The following EYS variants were observed in gnomAD, a reference collection of about 807,000 sequenced individuals.
EYS encodes the protein EGF-like photoreceptor maintenance factor.
EYS carries 250 observed loss-of-function variants against 282.1 expected under a neutral mutation model. The ratio of observed to expected loss-of-function variants is 0.89; its 90% CI spans 0.80 to 0.98. The LOEUF is 0.98. Among genes scored for constraint, EYS ranks in the 50% least tolerant of loss-of-function variants. The pLI, the probability that EYS is intolerant of heterozygous loss-of-function variation, is 0.00. For missense variants in EYS, 4,016 were observed against 3,709.0 expected (o/e 1.08, Z -2.15); for synonymous variants, 1,355 against 1,282.9 (o/e 1.06, Z -1.20).
At chr6:65,458,316 T>C (rs1764703892) in intron 5 of EYS, among the ~76,000 whole-genome samples, 1 of 152,134 alleles carries the variant, frequency 6.6e-6, no homozygotes, top group East Asian at 1.9e-4. Context: ...TACATTTCTG[T>C]CTTCATTCTC....
chr6:65,629,142 C>T (rs1301019185), intron 2 of EYS, among the ~76,000 whole-genome samples: 1 of 152,068 alleles, frequency 6.6e-6, no homozygotes, highest in Non-Finnish European at 1.5e-5. Flanking sequence ...ACAAATAGTG[C>T]AAGGAAATGA....
intron 11 of EYS, among the ~76,000 whole-genome samples, chr6:65,310,558 A>G (rs866103855): frequency 6.6e-6 from 1 of 152,044 alleles, no homozygotes; most frequent in African/African-American, 2.4e-5. Flanking sequence ...CAAACTCTTC[A>G]GTATGCCCTT....
At chr6:64,033,039 G>A (rs1441167011) in intron 33 of EYS, among the ~76,000 whole-genome samples, 1 of 152,146 alleles carries the variant, frequency 6.6e-6, no homozygotes, top group East Asian at 1.9e-4. Flanking sequence ...ACCAAACATT[G>A]TAACAGAAGA....
intron 30 of EYS, among the ~76,000 whole-genome samples, chr6:64,276,009 C>T (rs1157628417): frequency 1.3e-5 from 2 of 151,586 alleles, no homozygotes; most frequent in African/African-American, 4.8e-5. Flanking sequence ...ATTCCAATCA[C>T]ACTACTGTTA....
chr6:64,763,474 G>A (rs1034878765), intron 22 of EYS, among the ~76,000 whole-genome samples: 1 of 152,110 alleles, frequency 6.6e-6, no homozygotes, highest in Non-Finnish European at 1.5e-5. Flanking sequence ...AAAACAGCAT[G>A]AGGCAAATCC....
At chr6:63,988,045 G>T (rs1409285514) in intron 34 of EYS, among the ~76,000 whole-genome samples, 1 of 151,582 alleles carries the variant, frequency 6.6e-6, no homozygotes, top group African/African-American at 2.4e-5. Context: ...TTAGGTCCCA[G>T]AGGGTGATTA....
chr6:65,604,812 A>T (rs1403575307), intron 2 of EYS, among the ~76,000 whole-genome samples: 1 of 149,228 alleles, frequency 6.7e-6, no homozygotes, highest in Non-Finnish European at 1.5e-5. Context: ...AATGATGTTC[A>T]TTGTAAAAGA....
At chr6:65,293,518 G>A (rs9453246) in intron 12 of EYS, among the ~76,000 whole-genome samples, 14 of 151,852 alleles carry the variant, frequency 9.2e-5, no homozygotes, top group African/African-American at 3.4e-4. Context: ...CTGCAGAGAA[G>A]ATTGGACTAG....
chr6:65,385,817 G>T (rs527418712), intron 7 of EYS, among the ~76,000 whole-genome samples: 2 of 151,988 alleles, frequency 1.3e-5, no homozygotes, highest in South Asian at 2.1e-4. Flanking sequence ...CATTCTGAGG[G>T]GCTAGCTAGA....
chr6:64,220,004 G>T (rs1168900193), intron 31 of EYS, among the ~76,000 whole-genome samples: 3 of 152,028 alleles, frequency 2.0e-5, no homozygotes, highest in Non-Finnish European at 2.9e-5. Context: ...ACACAGGAAG[G>T]GGAACATCAC....
intron 30 of EYS, among the ~76,000 whole-genome samples, chr6:64,271,763 T>A (rs916868422): frequency 2.6e-5 from 4 of 152,150 alleles, no homozygotes; most frequent in African/African-American, 2.4e-5. Context: ...TTGTAAATCA[T>A]GTATGTCCGT....
At chr6:65,301,864 A>G (rs1768845879) in intron 11 of EYS, among the ~76,000 whole-genome samples, 4 of 152,322 alleles carry the variant, frequency 2.6e-5, no homozygotes, top group Admixed American at 2.6e-4. Context: ...GGACCTTGAG[A>G]AGGAGGCTGT....
At chr6:65,600,012 T>C (rs566041821) in intron 2 of EYS, among the ~76,000 whole-genome samples, 3 of 152,188 alleles carry the variant, frequency 2.0e-5, no homozygotes, top group South Asian at 2.1e-4. Flanking sequence ...TTAGAAAGCA[T>C]GTAAAAGTGA....
Position 64,489,194 on chromosome 6 carries a change from T to C in EYS, c.5645-49842A>G, listed in dbSNP as rs146497457. 2.6e-5 allele frequency among the ~76,000 whole-genome samples: 4 copies of C among 151,026 alleles called. No homozygotes were observed. In the East Asian group the frequency reaches 7.8e-4, roughly 29 times the overall value. On this transcript the variant is annotated intron_variant, in intron 26 of 42. Transcript: ENST00000503581. The stretch of plus-strand genomic sequence containing the variant: ...AGAGAACTTGCAATGTAAGAAAATA[T>C]GTTCACAGGTTTTACTGAAATTTAT...
At chr6:64,190,445 C>CT (rs1186100543) in intron 31 of EYS, among the ~76,000 whole-genome samples, 5 of 152,138 alleles carry the variant, frequency 3.3e-5, no homozygotes, top group African/African-American at 1.2e-4. Flanking sequence ...GTGAGGGAGA[C>CT]TGTGAAGTGT....
At chr6:64,420,878 G>A (rs1358929505) in intron 28 of EYS, among the ~76,000 whole-genome samples, 2 of 152,194 alleles carry the variant, frequency 1.3e-5, no homozygotes, top group South Asian at 2.1e-4. Context: ...TCAGCATTTT[G>A]GTCAAAGCTA....
intron 30 of EYS, among the ~76,000 whole-genome samples, chr6:64,235,572 C>A (rs1368105045): frequency 6.6e-6 from 1 of 152,028 alleles, no homozygotes; most frequent in Non-Finnish European, 1.5e-5. Flanking sequence ...GTCTTTATAG[C>A]AGCATGATTT....
At chr6:63,945,523 T>G (rs1249567746) in intron 35 of EYS, among the ~76,000 whole-genome samples, 1 of 152,104 alleles carries the variant, frequency 6.6e-6, no homozygotes, top group Non-Finnish European at 1.5e-5. Flanking sequence ...ATATTCAGAG[T>G]AATTCATCTG....
At chr6:65,096,327 T>C (rs1774738544) in intron 12 of EYS, among the ~76,000 whole-genome samples, 1 of 150,592 alleles carries the variant, frequency 6.6e-6, no homozygotes, top group Non-Finnish European at 1.5e-5. Context: ...CTAAAAAATA[T>C]GATGAAAGAA....
Sources: gnomAD v4.1 joint callset for allele counts (sites outside exome capture counted in the v4.1 genomes callset) on GRCh38, gnomAD v4.1.1 for gene constraint, MANE v1.5 for transcripts, NCBI Gene and HGNC (gene_info 2026-07-23, HGNC 2026-07-21) for gene names.